DSCAM: variants seen among roughly 807,000 people sequenced by gnomAD.
DSCAM encodes DS cell adhesion molecule, also known as cell adhesion molecule DSCAM.
A neutral mutation model predicts 217.7 loss-of-function variants in DSCAM; 47 were observed. The ratio of observed to expected loss-of-function variants is 0.22; its 90% confidence interval spans 0.17 to 0.28. The LOEUF (loss-of-function observed/expected upper bound fraction) is 0.28, where lower values mean the gene tolerates loss of function less well. Ranked by LOEUF, DSCAM falls within the 10% of genes least tolerant of loss-of-function variation. DSCAM has a pLI of 1.00. For missense variants in DSCAM, 2,080 were observed against 2,618.3 expected (o/e 0.79, Z 4.49); for synonymous variants, 1,056 against 1,015.3 (o/e 1.04, Z -0.76).
At chr21:40,058,072 C>T (rs1002480425) in intron 28 of DSCAM, among the ~76,000 whole-genome samples, 1 of 151,898 alleles carries the variant, frequency 6.6e-6, no homozygotes, top group Non-Finnish European at 1.5e-5. Context: ...CCGGGTTTCG[C>T]CCTGTTAGCC....
intron 27 of DSCAM, among the ~76,000 whole-genome samples, chr21:40,074,033 T>C (rs989557116): frequency 2.6e-5 from 4 of 152,180 alleles, no homozygotes; most frequent in Non-Finnish European, 5.9e-5. Flanking sequence ...AAGCAGTGCT[T>C]TGGTGCTTTG....
chr21:40,469,567 T>C (rs1351393832), intron 3 of DSCAM, among the ~76,000 whole-genome samples: 1 of 152,210 alleles, frequency 6.6e-6, no homozygotes, highest in Admixed American at 6.5e-5. Flanking sequence ...AATGTAATCA[T>C]AGCACACAAC....
At chr21:40,397,205 C>T (rs1310590393) in intron 3 of DSCAM, among the ~76,000 whole-genome samples, 1 of 152,166 alleles carries the variant, frequency 6.6e-6, no homozygotes, top group Non-Finnish European at 1.5e-5. Context: ...TAGTTTGAAT[C>T]TGTGTCCCTG....
At chr21:40,197,311 G>C (rs2091022338) in intron 11 of DSCAM, among the ~76,000 whole-genome samples, 1 of 152,058 alleles carries the variant, frequency 6.6e-6, no homozygotes, top group Admixed American at 6.6e-5. Context: ...GTAGAGAGAG[G>C]GTTTCACCTT....
At chr21:40,201,780 A>G (rs1236835048) in intron 11 of DSCAM, among the ~76,000 whole-genome samples, 2 of 152,208 alleles carry the variant, frequency 1.3e-5, no homozygotes, top group Non-Finnish European at 2.9e-5. Flanking sequence ...GGAAAATAGT[A>G]AATAGATTTT....
intron 1 of DSCAM, among the ~76,000 whole-genome samples, chr21:40,799,396 G>GA (rs1032523843): frequency 2.0e-5 from 3 of 151,786 alleles, no homozygotes; most frequent in Non-Finnish European, 4.4e-5. Flanking sequence ...GAAACTCAGA[G>GA]AAAAAAAACT....
chr21:40,166,283 G>A (rs1250505880), intron 16 of DSCAM, among the ~76,000 whole-genome samples: 1 of 152,120 alleles, frequency 6.6e-6, no homozygotes, highest in Non-Finnish European at 1.5e-5. Flanking sequence ...GAAAAAAAAC[G>A]GTGAGGAAAG....
intron 3 of DSCAM, among the ~76,000 whole-genome samples, chr21:40,600,068 A>C (rs117621091): frequency 0.032 from 4,856 of 152,316 alleles, 139 homozygotes; most frequent in Middle Eastern, 0.065. Flanking sequence ...TATTTCAAAT[A>C]ATTGAAAAGG....
chr21:40,061,139 C>G (rs1354005435), intron 28 of DSCAM, among the ~76,000 whole-genome samples: 1 of 152,146 alleles, frequency 6.6e-6, no homozygotes, highest in Non-Finnish European at 1.5e-5. Context: ...TCAACATGAC[C>G]CAAATAGGTC....
intron 3 of DSCAM, among the ~76,000 whole-genome samples, chr21:40,591,243 T>C (rs542919146): frequency 1.3e-5 from 2 of 152,282 alleles, no homozygotes; most frequent in African/African-American, 2.4e-5. Flanking sequence ...GAACTGTGAG[T>C]CAATTAAGAC....
chr21:40,111,643 C>A (rs1018079470), intron 20 of DSCAM, among the ~76,000 whole-genome samples: 1 of 152,038 alleles, frequency 6.6e-6, no homozygotes, highest in Non-Finnish European at 1.5e-5. Flanking sequence ...GAGTCAAGAC[C>A]CATCAGTGTG....
At chr21:40,209,564 C>A (rs1289973122) in intron 11 of DSCAM, among the ~76,000 whole-genome samples, 1 of 152,180 alleles carries the variant, frequency 6.6e-6, no homozygotes, top group Non-Finnish European at 1.5e-5. Flanking sequence ...GGAAGGCACA[C>A]CATCCCCTTA....
At chr21:40,802,019 A>C (rs917881121) in intron 1 of DSCAM, among the ~76,000 whole-genome samples, 1 of 152,164 alleles carries the variant, frequency 6.6e-6, no homozygotes, top group African/African-American at 2.4e-5. Context: ...CCAGGATCCC[A>C]AAACTGTGGA....
At chr21:40,621,154 C>G (rs530494647) in intron 3 of DSCAM, 2 of 152,236 alleles carry the variant, frequency 1.3e-5, no homozygotes, top group Admixed American at 6.5e-5. Flanking sequence ...TGTAGTGTGA[C>G]TCTAAGCATA....
chr21:40,403,155 G>T (rs956168775), intron 3 of DSCAM, among the ~76,000 whole-genome samples: 2 of 152,106 alleles, frequency 1.3e-5, no homozygotes, highest in Non-Finnish European at 2.9e-5. Flanking sequence ...GATTAGAAAG[G>T]ACATAATTAT....
At chr21:40,197,372 C>A (rs146705058) in intron 11 of DSCAM, among the ~76,000 whole-genome samples, 6,399 of 152,188 alleles carry the variant, frequency 0.042, 211 homozygotes, top group East Asian at 0.13. Context: ...CCCACCTCGG[C>A]CTCCCAAAGT....
intron 3 of DSCAM, among the ~76,000 whole-genome samples, chr21:40,627,154 T>C (rs368671472): frequency 1.3e-5 from 2 of 152,102 alleles, no homozygotes; most frequent in Non-Finnish European, 2.9e-5. Context: ...CTCTCCATAA[T>C]AGACAGCCAC....
rs375481894 is a variant in DSCAM, at chr21:40,072,818, C to T, written c.4888+2219G>A. Among the ~76,000 whole-genome samples the T allele has an allele frequency of 5.8e-4, 89 of 152,336 alleles. No homozygotes were observed. The South Asian group carries it at 0.018, about 31-fold the overall frequency. Reference sequence around the variant, plus strand: ...AGCACTTACTTTCTTCCTACTGAAACCTTTGTGTTGGATTTACCTTTTCCC... The same window carrying T: ...AGCACTTACTTTCTTCCTACTGAAATCTTTGTGTTGGATTTACCTTTTCCC... On this transcript the variant is annotated intron_variant, in intron 27 of 32. Transcript: ENST00000400454.
At chr21:40,709,139 G>A (rs990421957) in intron 1 of DSCAM, among the ~76,000 whole-genome samples, 2 of 152,068 alleles carry the variant, frequency 1.3e-5, no homozygotes, top group Non-Finnish European at 2.9e-5. Context: ...AGCCTCATGA[G>A]GACAAGGTCT....
Sources: allele counts gnomAD v4.1 joint callset (sites outside exome capture counted in the v4.1 genomes callset), GRCh38; gene constraint gnomAD v4.1.1; transcripts MANE v1.5; gene names NCBI Gene and HGNC (gene_info 2026-07-23, HGNC 2026-07-21).